KIF11: variants seen among roughly 807,000 people sequenced by gnomAD.
KIF11 encodes kinesin-like protein KIF11.
Under a neutral mutation model 121.0 loss-of-function variants are expected in KIF11, and 9 were observed. The ratio of observed to expected loss-of-function variants is 0.07; its 90% CI spans 0.04 to 0.13. KIF11 has a LOEUF of 0.13. KIF11 is among the 10% of genes least tolerant of loss of function. The pLI, the probability that KIF11 is intolerant of heterozygous loss-of-function variation, is 1.00. For synonymous variants in KIF11, 408 were observed against 421.0 expected (o/e 0.97, Z 0.38); for missense variants, 846 against 1,217.5 (o/e 0.69, Z 4.54).
intron 17 of KIF11, among the ~76,000 whole-genome samples, chr10:92,642,492 C>G (rs1235058004): frequency 1.3e-5 from 2 of 152,210 alleles, no homozygotes; most frequent in Non-Finnish European, 2.9e-5. Flanking sequence ...CTATTCAGGT[C>G]ATCCACGGCC....
chr10:92,618,361 C>G lies in KIF11; in HGVS notation c.1128+1529C>G, dbSNP rs575270445. Among the ~76,000 whole-genome samples the G allele has an allele frequency of 1.1e-4, 17 of 150,218 alleles. No homozygotes were observed. In the South Asian group the frequency reaches 3.6e-3, roughly 31 times the overall value. On this transcript the variant is annotated intron_variant, in intron 9 of 21. Coordinates refer to ENST00000260731, the MANE Select transcript of KIF11 (RefSeq NM_004523.4). ...GTTATAAGAAATAATACAGAGAAAACAGGCCAGGCACGGTGGCTCATGCCT... is the reference window on the plus strand; with the variant it reads ...GTTATAAGAAATAATACAGAGAAAAGAGGCCAGGCACGGTGGCTCATGCCT...
chr10:92,628,591 T>C (rs1398517056), intron 10 of KIF11, among the ~76,000 whole-genome samples: 1 of 152,156 alleles, frequency 6.6e-6, no homozygotes, highest in Non-Finnish European at 1.5e-5. Context: ...AAGGGAAAAA[T>C]ATTTCATTTA....
chr10:92,616,971 G>A (rs1010347271), intron 9 of KIF11, 139 bp downstream of exon 9: 1 of 499,556 alleles, frequency 2.0e-6, no homozygotes, highest in Admixed American at 3.8e-5. Flanking sequence ...TAAACTAAAT[G>A]TCTTACATGT....
At chr10:92,648,493 A>G in intron 19 of KIF11, 59 bp downstream of exon 19, 2 of 1,074,614 alleles carry the variant, frequency 1.9e-6, no homozygotes, top group South Asian at 1.6e-5. Flanking sequence ...AACTCTATGT[A>G]GTGTCAGATG....
intron 8 of KIF11, among the ~76,000 whole-genome samples, chr10:92,614,578 G>A (rs1328909962): frequency 1.3e-5 from 2 of 152,116 alleles, no homozygotes; most frequent in Non-Finnish European, 2.9e-5. Flanking sequence ...GTCATTAGCA[G>A]TGGGTGGTGT....
chr10:92,620,467 T>C (rs1204430531), intron 9 of KIF11, among the ~76,000 whole-genome samples: 1 of 152,222 alleles, frequency 6.6e-6, no homozygotes, highest in Non-Finnish European at 1.5e-5. Flanking sequence ...GTTGGTTTCC[T>C]AGGTTTCTTA....
At chr10:92,632,442 T>TGG in intron 12 of KIF11, 44 bp from the exon 13 acceptor site, 1 of 1,227,884 alleles carries the variant, frequency 8.1e-7, no homozygotes, top group Non-Finnish European at 1.2e-6. Flanking sequence ...TCAGATTCCT[T>TGG]TCACCGTATC....
chr10:92,593,257 G>A lies in KIF11; in HGVS notation c.-119G>A. On this transcript the variant is annotated 5_prime_UTR_variant, in exon 1 of 22. Coordinates refer to ENST00000260731, the MANE Select transcript of KIF11 (RefSeq NM_004523.4). ...CGACCTGCGTGCGTCGGTCCTCCAGGCCACGCCAGCGCCCGAGAGGGACCA... is the reference window on the plus strand; with the variant it reads ...CGACCTGCGTGCGTCGGTCCTCCAGACCACGCCAGCGCCCGAGAGGGACCA... 9.9e-7 allele frequency: 1 copy of A among 1,013,906 alleles called. No individual in the cohort carries two copies. Among genetic ancestry groups the A allele is most frequent in the Non-Finnish European group, 1.4e-6 (1 of 693,314 alleles). The allele number at this position is 1,013,906 out of a possible 1,614,324, so 62.8% of individuals were successfully genotyped here. A position where few individuals can be genotyped will look rare whatever the true frequency, so the allele number is the denominator to read the frequency against.
chr10:92,627,836 T>C (rs1053787244), intron 10 of KIF11, among the ~76,000 whole-genome samples: 1 of 152,228 alleles, frequency 6.6e-6, no homozygotes, highest in Non-Finnish European at 1.5e-5. Flanking sequence ...CTGAGAAGAT[T>C]TGCCCAGTTT....
At chr10:92,609,287 AGAGAGAGAGAGAGAGAGTGTGTGT>A (rs1797093130) in intron 5 of KIF11, 74 bp from the exon 6 acceptor site, 3 of 1,347,936 alleles carry the variant, frequency 2.2e-6, no homozygotes, top group African/African-American at 1.7e-5. Context: ...AGAGAGAGAG[AGAGAGAGAGAGAGAGAGTGTGTGT>A]GTGTGTGTGT....
intron 4 of KIF11, among the ~76,000 whole-genome samples, chr10:92,608,655 T>G (rs1844457703): frequency 6.6e-6 from 1 of 152,186 alleles, no homozygotes; most frequent in Non-Finnish European, 1.5e-5. Flanking sequence ...GCCGGGATGG[T>G]CTTGATCTCC....
intron 17 of KIF11, among the ~76,000 whole-genome samples, chr10:92,643,075 CTAATTTT>C (rs1431251861): frequency 6.6e-6 from 1 of 152,174 alleles, no homozygotes; most frequent in East Asian, 1.9e-4. Flanking sequence ...CCATGCCCAG[CTAATTTT>C]TAAATTTTTA....
intron 17 of KIF11, among the ~76,000 whole-genome samples, chr10:92,642,580 T>G (rs1844877022): frequency 6.6e-6 from 1 of 152,152 alleles, no homozygotes; most frequent in South Asian, 2.1e-4. Flanking sequence ...ATTTATCTAT[T>G]TTTTTTATTA....
Position 92,646,040 on chromosome 10 carries a change from C to T in KIF11, c.2547+398C>T, listed in dbSNP as rs1251585880. Among the ~76,000 whole-genome samples, 3 of 150,950 alleles carry T rather than the reference C, an allele frequency of 2.0e-5. No individual in the cohort carries two copies. The East Asian group carries it at 5.9e-4, about 29-fold the overall frequency. On this transcript the variant is annotated intron_variant, in intron 18 of 21. Coordinates refer to ENST00000260731, the MANE Select transcript of KIF11 (RefSeq NM_004523.4). Reference sequence around the variant, plus strand: ...GATCTCAGCTCACTGCAACCTCCGCCTCCCAAGTTCAAGCGATTCTCCTGC... The same window carrying T: ...GATCTCAGCTCACTGCAACCTCCGCTTCCCAAGTTCAAGCGATTCTCCTGC...
intron 1 of KIF11, among the ~76,000 whole-genome samples, chr10:92,600,042 G>A (rs894831500): frequency 6.9e-6 from 1 of 145,850 alleles, no homozygotes; most frequent in South Asian, 2.2e-4. Context: ...ATCTCGGTCT[G>A]TTGCCCAGGC....
At chr10:92,647,979 C>A (rs964299761) in intron 18 of KIF11, among the ~76,000 whole-genome samples, 2 of 151,852 alleles carry the variant, frequency 1.3e-5, no homozygotes, top group African/African-American at 4.8e-5. Context: ...CATGGTGGTA[C>A]ATGCCTGTAG....
At chr10:92,621,669 T>G (rs1224896888) in intron 10 of KIF11, among the ~76,000 whole-genome samples, 196 bp downstream of exon 10, 1 of 151,996 alleles carries the variant, frequency 6.6e-6, no homozygotes, top group African/African-American at 2.4e-5. Flanking sequence ...TGGCACAATC[T>G]TGGCTCACTA....
At chr10:92,645,788 G>C in intron 18 of KIF11, 146 bp downstream of exon 18, 1 of 616,804 alleles carries the variant, frequency 1.6e-6, no homozygotes, top group South Asian at 2.3e-5. Flanking sequence ...TATGCTTACA[G>C]ATGATCTCGT....
chr10:92,618,602 C>G (rs1338562432), intron 9 of KIF11, among the ~76,000 whole-genome samples: 1 of 147,484 alleles, frequency 6.8e-6, no homozygotes, highest in Non-Finnish European at 1.5e-5. Context: ...TGAGATCGAG[C>G]CACTGTACTA....
Sources: gnomAD v4.1 joint callset for allele counts (sites outside exome capture counted in the v4.1 genomes callset) on GRCh38, gnomAD v4.1.1 for gene constraint, MANE v1.5 for transcripts, NCBI Gene and HGNC (gene_info 2026-07-23, HGNC 2026-07-21) for gene names.